Variants in COBL observed in about 807,000 individuals in gnomAD.
COBL encodes the protein cordon-bleu WH2 repeat protein.
Under a neutral mutation model 98.8 loss-of-function variants are expected in COBL, and 51 were observed. The observed-to-expected ratio is 0.52, with a 90% CI of 0.41 to 0.65. The LOEUF (loss-of-function observed/expected upper bound fraction) is 0.65, where lower values mean the gene tolerates loss of function less well. Among genes scored for constraint, COBL ranks in the 30% least tolerant of loss-of-function variants. COBL has a pLI of 0.00. For synonymous variants in COBL, 634 were observed against 651.7 expected, an observed-to-expected ratio of 0.97 and a Z score of 0.41; for missense variants, 1,617 against 1,617.5, an observed-to-expected ratio of 1.00 and a Z score of 0.01.
intron 1 of COBL, among the ~76,000 whole-genome samples, chr7:51,261,904 C>T (rs955128823): frequency 6.6e-6 from 1 of 152,102 alleles, no homozygotes; most frequent in Non-Finnish European, 1.5e-5. Context: ...GCCAAGATCA[C>T]GCCATTGCAC....
At chr7:51,213,847 G>A (rs1792727938) in intron 2 of COBL, among the ~76,000 whole-genome samples, 1 of 152,110 alleles carries the variant, frequency 6.6e-6, no homozygotes, top group Non-Finnish European at 1.5e-5. Context: ...CACACCTCCT[G>A]GGGCCAAGCA....
rs370605120 is a variant in COBL, at chr7:51,028,069, T to C, written c.3027A>G (p.Ala1009=). 8.1e-6 allele frequency: 13 copies of C among 1,613,158 alleles called. No homozygotes were observed. In the African/African-American group the frequency reaches 1.6e-4, roughly 20 times the overall value. The change falls in exon 10 of 13, where the codon GCA becomes GCG. Residue 1009 remains alanine, a synonymous_variant. Coordinates refer to ENST00000265136, the MANE Select transcript of COBL (RefSeq NM_015198.5). ...CATCAGGTGCGCGTCTGGGCTCAGA[T>C]GCTGAGCTGGCCTCCTGGCTACTTG... ...QSTSSQEASS[A]SEPRRAPDGT...
At chr7:51,262,565 G>A (rs1797814895) in intron 1 of COBL, among the ~76,000 whole-genome samples, 1 of 152,214 alleles carries the variant, frequency 6.6e-6, no homozygotes, top group East Asian at 1.9e-4. Flanking sequence ...GATGCACTGG[G>A]AAGTCACGAC....
chr7:51,316,386 A>C, intron 1 of COBL: 1 of 342,828 alleles, frequency 2.9e-6, no homozygotes, highest in Non-Finnish European at 5.1e-6. Context: ...TACCTGGGCA[A>C]CGACCCGGGT....
chr7:51,214,605 G>A (rs760095278), intron 2 of COBL, among the ~76,000 whole-genome samples: 1 of 152,136 alleles, frequency 6.6e-6, no homozygotes, highest in Admixed American at 6.5e-5. Flanking sequence ...CAGATTATAA[G>A]CAAGTTAGTT....
At chr7:51,227,525 C>G (rs1794322222) in intron 1 of COBL, among the ~76,000 whole-genome samples, 1 of 152,166 alleles carries the variant, frequency 6.6e-6, no homozygotes, top group Non-Finnish European at 1.5e-5. Flanking sequence ...CTGCTTGCCA[C>G]CAGCCAGGAG....
chr7:51,154,559 C>T (rs370531692), intron 5 of COBL, among the ~76,000 whole-genome samples: 1 of 152,190 alleles, frequency 6.6e-6, no homozygotes, highest in East Asian at 1.9e-4. Flanking sequence ...CTTTCATCAG[C>T]CTCTGTACGA....
intron 7 of COBL, among the ~76,000 whole-genome samples, chr7:51,061,950 T>TACACACACACACACACATACACACAC (rs1554364724): frequency 7.6e-5 from 11 of 145,536 alleles, no homozygotes; most frequent in African/African-American, 3.0e-4. Context: ...CCACCATAGA[T>TACACACACACACACACATACACACAC]ACACACACAC....
chr7:51,268,798 C>T (rs1481919994), intron 1 of COBL, among the ~76,000 whole-genome samples: 2 of 151,984 alleles, frequency 1.3e-5, no homozygotes, highest in African/African-American at 4.8e-5. Flanking sequence ...GGCATGGTGG[C>T]AGGTTCCTGT....
At chr7:51,235,645 C>G (rs1023874117) in intron 1 of COBL, among the ~76,000 whole-genome samples, 3 of 152,216 alleles carry the variant, frequency 2.0e-5, no homozygotes, top group African/African-American at 7.2e-5. Context: ...TTGCCCACCA[C>G]CCACGGCTTC....
intron 2 of COBL, among the ~76,000 whole-genome samples, chr7:51,207,854 C>T (rs577805087): frequency 8.5e-5 from 13 of 152,206 alleles, no homozygotes; most frequent in African/African-American, 2.7e-4. Flanking sequence ...GCCACCACCC[C>T]GTCTGGGAAG....
intron 1 of COBL, among the ~76,000 whole-genome samples, chr7:51,223,163 C>A (rs1389266340): frequency 6.6e-6 from 1 of 152,262 alleles, no homozygotes; most frequent in Admixed American, 6.5e-5. Flanking sequence ...TGGCAGGGCC[C>A]ACTGGCTGTG....
At chr7:51,219,592 T>C (rs1004827541) in intron 2 of COBL, 149 bp downstream of exon 2, 3 of 769,606 alleles carry the variant, frequency 3.9e-6, no homozygotes, top group Middle Eastern at 3.2e-4. Context: ...CTGCTCTAAG[T>C]AGTCACTAAG....
intron 7 of COBL, 69 bp from the exon 8 acceptor site, chr7:51,043,761 ACAT>A: frequency 1.4e-6 from 2 of 1,387,132 alleles, no homozygotes; most frequent in South Asian, 2.6e-5. Context: ...AACAAGTGTG[ACAT>A]CAGTCTGTCG....
chr7:51,276,671 C>G (rs1799339157), intron 1 of COBL, among the ~76,000 whole-genome samples: 2 of 152,194 alleles, frequency 1.3e-5, no homozygotes. Context: ...CAGGGCTGAG[C>G]TGGGGTGGCT....
intron 1 of COBL, among the ~76,000 whole-genome samples, chr7:51,291,943 C>T (rs1800941141): frequency 6.6e-6 from 1 of 152,066 alleles, no homozygotes; most frequent in East Asian, 1.9e-4. Context: ...AGGTATATTA[C>T]CTGAGGTCAG....
chr7:51,030,741 C>T, intron 9 of COBL, 71 bp downstream of exon 9: 1 of 952,442 alleles, frequency 1.0e-6, no homozygotes, highest in South Asian at 1.5e-5. Flanking sequence ...AAAGTATGCT[C>T]AGAGGAAGTT....
At chr7:51,125,276 CA>C (rs1288301993) in intron 6 of COBL, among the ~76,000 whole-genome samples, 5 of 152,176 alleles carry the variant, frequency 3.3e-5, no homozygotes, top group African/African-American at 1.2e-4. Flanking sequence ...CTGGGATGCA[CA>C]GGTACCACAA....
chr7:51,179,457 C>T (rs1276731174), intron 5 of COBL, among the ~76,000 whole-genome samples: 2 of 151,954 alleles, frequency 1.3e-5, no homozygotes, highest in African/African-American at 2.4e-5. Flanking sequence ...CCACCTGCCT[C>T]GGCCTCCCAA....
Sources: gnomAD v4.1 joint callset for allele counts (sites outside exome capture counted in the v4.1 genomes callset) on GRCh38, gnomAD v4.1.1 for gene constraint, MANE v1.5 for transcripts, NCBI Gene and HGNC (gene_info 2026-07-23, HGNC 2026-07-21) for gene names.